The following MON2 variants were observed in gnomAD, a reference collection of about 807,000 sequenced individuals.
MON2 encodes MON2 regulator of endosome-to-Golgi trafficking.
A neutral mutation model predicts 208.6 loss-of-function variants in MON2; 84 were observed. That is an observed-to-expected ratio of 0.40 (90% CI 0.34 to 0.48). The LOEUF is 0.48. MON2 is among the 20% of genes least tolerant of loss of function. The pLI is 0.59. For synonymous variants in MON2, 660 were observed against 694.0 expected, an observed-to-expected ratio of 0.95 and a Z score of 0.77; for missense variants, 1,611 against 2,015.4, an observed-to-expected ratio of 0.80 and a Z score of 3.84.
In MON2 at chr12:62,571,344, G is replaced by A. The variant is rs371688185; in HGVS notation, c.4324-48G>A. On this transcript the variant is annotated intron_variant, in intron 29 of 34. Coordinates refer to ENST00000393630, the MANE Select transcript of MON2 (RefSeq NM_015026.3). Reference sequence around the variant, plus strand: ...TGTAGTTTTTCTTAATTAAAATTGTGTGTGTATGTTTTAATTAATGCTTAT... The same window carrying A: ...TGTAGTTTTTCTTAATTAAAATTGTATGTGTATGTTTTAATTAATGCTTAT... The A allele has an allele frequency of 7.6e-4, 973 of 1,272,052 alleles. 6 individuals are homozygous for A. The highest frequency in any genetic ancestry group is 7.0e-3 in the South Asian group (396 of 56,358). 78.8% of individuals were successfully genotyped at this position (1,272,052 alleles called of 1,614,324 possible). A position where few individuals can be genotyped will look rare whatever the true frequency, so the allele number is the denominator to read the frequency against.
At chr12:62,491,882 C>A (rs966466873) in intron 2 of MON2, among the ~76,000 whole-genome samples, 4 of 152,160 alleles carry the variant, frequency 2.6e-5, no homozygotes, top group African/African-American at 9.7e-5. Flanking sequence ...GTGGTTCTGG[C>A]AGGTTTAAAT....
At position 62,498,970 on chromosome 12, in the gene MON2, A is replaced by G; in HGVS notation, c.487A>G (p.Asn163Asp). Residue 163 changes from asparagine (N) to aspartate (D), a missense_variant, in exon 5 of 35, where the codon AAT becomes GAT. By Grantham distance (23) the Asn-to-Asp change is conservative. Coordinates refer to ENST00000393630, the MANE Select transcript of MON2 (RefSeq NM_015026.3). Reference sequence around the variant, plus strand: ...CTTCACAAAAGATAATATTACAAATAATACAGCTGCTGCTACAGTGCGACA... The same window carrying G: ...CTTCACAAAAGATAATATTACAAATGATACAGCTGCTGCTACAGTGCGACA... The part of the protein sequence containing the change: ...LHFTKDNITN[N>D]TAAATVRQVV... 6.2e-7 allele frequency: 1 copy of G among 1,612,076 alleles called. No individual in the cohort carries two copies. Among genetic ancestry groups the G allele is most frequent in the Non-Finnish European group, 8.5e-7 (1 of 1,179,226 alleles).
intron 7 of MON2, among the ~76,000 whole-genome samples, chr12:62,502,589 A>G (rs1391949794): frequency 6.6e-6 from 1 of 152,184 alleles, no homozygotes; most frequent in Non-Finnish European, 1.5e-5. Context: ...GTATGGGTCT[A>G]TGAAGGAAAT....
At chr12:62,489,829 C>T (rs11174506) in intron 2 of MON2, among the ~76,000 whole-genome samples, 6,886 of 152,114 alleles carry the variant, frequency 0.045, 220 homozygotes, top group Non-Finnish European at 0.059. Context: ...CACTAAAATA[C>T]CTTTTAATGT....
chr12:62,467,032 T>A lies in MON2; in HGVS notation c.-176T>A. 1.9e-6 allele frequency: 1 copy of A among 527,552 alleles called. No homozygotes were observed. The highest frequency in any genetic ancestry group is 3.4e-6 in the Non-Finnish European group (1 of 297,764). The allele number at this position is 527,552 out of a possible 1,614,324, so 32.7% of individuals were successfully genotyped here. A position where few individuals can be genotyped will look rare whatever the true frequency, so the allele number is the denominator to read the frequency against. The stretch of plus-strand genomic sequence containing the variant: ...CGCCTCCGAGAAAAGCCAGAGGTGT[T>A]GCGGGGAAGCTGCTGGGGGACGCTC... On this transcript the variant is annotated 5_prime_UTR_variant, in exon 1 of 35. Transcript: ENST00000393630.
At chr12:62,522,069 C>T (rs1176073123) in intron 8 of MON2, among the ~76,000 whole-genome samples, 1 of 152,036 alleles carries the variant, frequency 6.6e-6, no homozygotes, top group Non-Finnish European at 1.5e-5. Flanking sequence ...GGCTTGTAAT[C>T]CCACCTTCTC....
chr12:62,585,115 CAAAAAAAAACA>C (rs1565714973), intron 32 of MON2, among the ~76,000 whole-genome samples, 168 bp from the exon 33 acceptor site: 2 of 43,320 alleles, frequency 4.6e-5, no homozygotes, highest in African/African-American at 1.0e-4. Flanking sequence ...ACACACAAAA[CAAAAAAAAACA>C]AAAAAAAAAC....
intron 26 of MON2, among the ~76,000 whole-genome samples, chr12:62,564,759 C>T (rs2074317083): frequency 6.6e-6 from 1 of 152,064 alleles, no homozygotes; most frequent in Non-Finnish European, 1.5e-5. Flanking sequence ...AACAAATTTT[C>T]GTAGATGACT....
At chr12:62,558,203 C>T (rs2074066969) in intron 25 of MON2, among the ~76,000 whole-genome samples, 1 of 151,474 alleles carries the variant, frequency 6.6e-6, no homozygotes, top group South Asian at 2.1e-4. Flanking sequence ...GTCTCAAACT[C>T]CTGACTTCAG....
rs1188957648 is a variant in MON2, at chr12:62,593,196, C to T, written c.*447C>T. On this transcript the variant is annotated 3_prime_UTR_variant, in exon 35 of 35. Transcript: ENST00000393630. ...TTATGCAAGATGGTACTGTAACATT[C>T]CATATTATCTATAACCAGCCTTTGT... The T allele has an allele frequency of 6.5e-6, 1 of 154,370 alleles. No individual in the cohort carries two copies. Among genetic ancestry groups the T allele is most frequent in the Non-Finnish European group, 1.4e-5 (1 of 69,054 alleles). The allele number at this position is 154,370 out of a possible 1,614,324, so 9.6% of individuals were successfully genotyped here.
At chr12:62,562,358 G>A (rs1464148166) in intron 26 of MON2, among the ~76,000 whole-genome samples, 3 of 151,372 alleles carry the variant, frequency 2.0e-5, no homozygotes, top group African/African-American at 7.3e-5. Flanking sequence ...CTCTGCTTTA[G>A]CAGTGAGAGG....
intron 19 of MON2, among the ~76,000 whole-genome samples, chr12:62,541,276 A>G (rs1177007398): frequency 1.3e-5 from 2 of 151,440 alleles, no homozygotes; most frequent in Admixed American, 6.6e-5. Context: ...AGCTGTTCTC[A>G]TGGCTGAGAC....
rs1251101951 is a variant in MON2, at chr12:62,578,574, A to G, written c.4575+69A>G. 8 of 964,066 alleles carry G rather than the reference A, an allele frequency of 8.3e-6. No homozygotes were observed. The East Asian group carries it at 1.1e-4, about 13-fold the overall frequency. 59.7% of individuals were successfully genotyped at this position (964,066 alleles called of 1,614,324 possible). ...ACCAAATAGTAAAAATGTTTGAACT[A>G]TACAGTTGCTGAAAGAATAAAGTAA... On this transcript the variant is annotated intron_variant, in intron 31 of 34. Transcript: ENST00000393630.
intron 8 of MON2, among the ~76,000 whole-genome samples, chr12:62,518,680 A>C (rs545567482): frequency 6.6e-6 from 1 of 152,338 alleles, no homozygotes; most frequent in South Asian, 2.1e-4. Flanking sequence ...GCAACAGAAA[A>C]AAATGGAAAG....
rs189810023 is a variant in MON2 at position 62,543,677 on chromosome 12, G to A, written c.2466+479G>A. On this transcript the variant is annotated intron_variant, in intron 20 of 34. Transcript: ENST00000393630. ...GGCTGGAGTGCAGTGGTGAGGTCTC[G>A]CCTCACTGCAACCGCCGCCTCTCAG... Among the ~76,000 whole-genome samples the A allele has an allele frequency of 1.6e-3, 246 of 151,734 alleles. 1 individual carries two copies. The highest frequency in any genetic ancestry group is 0.014 in the Middle Eastern group (4 of 294).
Position 62,560,436 on chromosome 12 carries a change from A to G in MON2, c.3410-55A>G, listed in dbSNP as rs79897712. The G allele has an allele frequency of 3.4e-3, 5,111 of 1,504,140 alleles. 163 individuals carry two copies. In the African/African-American group the frequency reaches 0.063, roughly 19 times the overall value. 93.2% of individuals were successfully genotyped at this position (1,504,140 alleles called of 1,614,324 possible). ...ATATGCTTTCAAGTGTCTAATATGA[A>G]GAGAAAATTTGATCGCTTTTATGAT... On this transcript the variant is annotated intron_variant, in intron 25 of 34. Coordinates refer to ENST00000393630, the MANE Select transcript of MON2 (RefSeq NM_015026.3).
chr12:62,540,609 G>T (rs941947197), intron 19 of MON2, among the ~76,000 whole-genome samples: 1 of 152,164 alleles, frequency 6.6e-6, no homozygotes, highest in Non-Finnish European at 1.5e-5. Flanking sequence ...GGTAGCAACA[G>T]ATACGATTTT....
intron 21 of MON2, chr12:62,545,495 A>G (rs1232295358): frequency 6.6e-6 from 1 of 152,126 alleles, no homozygotes; most frequent in Non-Finnish European, 1.5e-5. Context: ...TATTATTTGT[A>G]CCCACTTTTT....
chr12:62,598,704 C>G lies in MON2; in HGVS notation c.*5955C>G, dbSNP rs1424339576. ...AGTAATACCACTGTTGTTACTCTTT[C>G]TCCTTACAATTTTTATGTTGTTGAG... On this transcript the variant is annotated 3_prime_UTR_variant, in exon 35 of 35. Coordinates refer to ENST00000393630, the MANE Select transcript of MON2 (RefSeq NM_015026.3). 2 of 152,138 alleles carry G rather than the reference C, an allele frequency of 1.3e-5. No homozygotes were observed. The highest frequency in any genetic ancestry group is 3.8e-4 in the East Asian group (2 of 5,196). The allele number at this position is 152,138 out of a possible 1,614,324, so 9.4% of individuals were successfully genotyped here. A position where few individuals can be genotyped will look rare whatever the true frequency, so the allele number is the denominator to read the frequency against.
Sources: allele counts gnomAD v4.1 joint callset (sites outside exome capture counted in the v4.1 genomes callset), GRCh38; gene constraint gnomAD v4.1.1; transcripts MANE v1.5; gene names NCBI Gene and HGNC (gene_info 2026-07-23, HGNC 2026-07-21).